Variants in HIVEP1 observed in about 807,000 individuals in gnomAD.
HIVEP1 encodes HIVEP zinc finger 1.
HIVEP1 carries 36 observed loss-of-function variants against 180.0 expected under a neutral mutation model. The observed-to-expected ratio is 0.20, with a 90% confidence interval of 0.15 to 0.26. The LOEUF (loss-of-function observed/expected upper bound fraction) is 0.26. Among genes scored for constraint, HIVEP1 ranks in the 10% least tolerant of loss-of-function variants. The probability of loss-of-function intolerance (pLI) is 1.00; values close to 1 mark genes in which losing one functional copy is unlikely to be tolerated. For missense variants in HIVEP1, 3,143 were observed against 3,268.7 expected (o/e 0.96, Z 0.94); for synonymous variants, 1,239 against 1,239.0 (o/e 1.00, Z 0.00).
chr6:12,060,351 C>T (rs1247850580), intron 2 of HIVEP1, among the ~76,000 whole-genome samples: 1 of 152,120 alleles, frequency 6.6e-6, no homozygotes, highest in Non-Finnish European at 1.5e-5. Context: ...AAACTTCAGA[C>T]AATTACAGTA....
chr6:12,029,768 A>G (rs1042015774), intron 2 of HIVEP1, among the ~76,000 whole-genome samples: 5 of 152,098 alleles, frequency 3.3e-5, no homozygotes, highest in African/African-American at 1.2e-4. Context: ...TTATATTATA[A>G]AGCAGGTTAC....
In HIVEP1 at chr6:12,161,820, C is replaced by T. The variant is rs777250624; in HGVS notation, c.6869C>T (p.Pro2290Leu). Residue 2290 changes from proline (P) to leucine (L), a missense_variant, in exon 8 of 9, where the codon CCG (proline) becomes CTG (leucine). Physicochemically the swap from Pro to Leu is moderately conservative, Grantham distance 98. Coordinates refer to ENST00000379388, the MANE Select transcript of HIVEP1 (RefSeq NM_002114.4). ...RAARDENDTIPSVDTSRSPCH... is the reference protein window; with the variant it reads ...RAARDENDTILSVDTSRSPCH... ...GCGAGAGATGAAAACGACACAATTC[C>T]GTCTGTAGACACTTCCAGGTCCCCG... The T allele has an allele frequency of 6.2e-6, 10 of 1,614,010 alleles. No individual in the cohort carries two copies. Among genetic ancestry groups the T allele is most frequent in the African/African-American group, 4.0e-5 (3 of 74,936 alleles).
chr6:12,037,793 TG>T (rs1769382854), intron 2 of HIVEP1: 3 of 456,164 alleles, frequency 6.6e-6, no homozygotes, highest in South Asian at 4.6e-5. Context: ...CCCAAACTTC[TG>T]GGGACAAGCT....
At chr6:12,205,576 C>T in the HIVEP1 span, among the ~76,000 whole-genome samples, 1 of 152,092 alleles carries the variant, frequency 6.6e-6, no homozygotes, top group Non-Finnish European at 1.5e-5. Context: ...GGAATTATGC[C>T]TCTGTTTCTT....
intron 2 of HIVEP1, among the ~76,000 whole-genome samples, chr6:12,074,718 A>C (rs1772238018): frequency 1.3e-5 from 2 of 150,960 alleles, no homozygotes; most frequent in South Asian, 4.2e-4. Context: ...TTTTTTATAG[A>C]GATCTTTTGA....
chr6:12,065,490 A>G (rs1258305053), intron 2 of HIVEP1, among the ~76,000 whole-genome samples: 2 of 152,168 alleles, frequency 1.3e-5, no homozygotes, highest in East Asian at 1.9e-4. Context: ...TGATACACAC[A>G]TAGAATACAG....
chr6:12,209,651 AATC>A, the HIVEP1 span, among the ~76,000 whole-genome samples: 1 of 152,202 alleles, frequency 6.6e-6, no homozygotes, highest in African/African-American at 2.4e-5. Context: ...TATTAATAAT[AATC>A]ATCATAATAC....
In HIVEP1 at chr6:12,135,671, T is replaced by C. The variant is rs996158744; in HGVS notation, c.6386-120T>C. The C allele has an allele frequency of 4.7e-6, 3 of 638,114 alleles. No individual in the cohort carries two copies. In the African/African-American group the frequency reaches 5.5e-5, roughly 12 times the overall value. 39.5% of individuals were successfully genotyped at this position (638,114 alleles called of 1,614,324 possible). ...TTTTCTTTTGTTCACATTTTAGTCA[T>C]TGGAGTTGTACGACCACAATCTGTA... On this transcript the variant is annotated intron_variant, in intron 6 of 8. Transcript: ENST00000379388.
intron 2 of HIVEP1, among the ~76,000 whole-genome samples, chr6:12,024,475 C>T (rs1474613186): frequency 6.6e-6 from 1 of 152,126 alleles, no homozygotes; most frequent in African/African-American, 2.4e-5. Flanking sequence ...CTACTTAATA[C>T]AAAGCTTGAT....
intron 2 of HIVEP1, among the ~76,000 whole-genome samples, chr6:12,026,362 G>C (rs1277416932): frequency 6.6e-6 from 1 of 152,160 alleles, no homozygotes; most frequent in East Asian, 1.9e-4. Context: ...ACCTGAATGA[G>C]GAGGAGTTTT....
At position 12,122,484 on chromosome 6, in the gene HIVEP1, G is replaced by A. The variant is rs1378869966; in HGVS notation, c.2689G>A (p.Val897Met). The change falls in exon 4 of 9, where the codon GTG becomes ATG. Residue 897 changes from valine to methionine, a missense_variant. By Grantham distance (21) the Val-to-Met change is conservative. Coordinates refer to ENST00000379388, the MANE Select transcript of HIVEP1 (RefSeq NM_002114.4). ...CCAGAGTGGGCATCCCCGTACACTTGTGAGACAAGCAGCCATAGAAGACTC... is the reference window on the plus strand; with the variant it reads ...CCAGAGTGGGCATCCCCGTACACTTATGAGACAAGCAGCCATAGAAGACTC... ...VPQSGHPRTLVRQAAIEDSSA... is the reference protein window; with the variant it reads ...VPQSGHPRTLMRQAAIEDSSA... 3 of 1,614,198 alleles carry A rather than the reference G, an allele frequency of 1.9e-6. No individual in the cohort carries two copies. The highest frequency in any genetic ancestry group is 1.7e-6 in the Non-Finnish European group (2 of 1,180,036).
chr6:12,204,960 A>G, the HIVEP1 span, among the ~76,000 whole-genome samples: 1 of 152,166 alleles, frequency 6.6e-6, no homozygotes, highest in Non-Finnish European at 1.5e-5. Context: ...AAGCTGGGGG[A>G]AAAGCATGAT....
intron 2 of HIVEP1, among the ~76,000 whole-genome samples, chr6:12,017,610 A>C (rs1309231673): frequency 6.6e-6 from 1 of 152,230 alleles, no homozygotes; most frequent in African/African-American, 2.4e-5. Context: ...GGTCCGTTTT[A>C]CAGAGAGCCG....
rs763160783 is a variant in HIVEP1, at chr6:12,125,819, C to T, written c.6024C>T (p.Ser2008=). The T allele has an allele frequency of 1.2e-6, 2 of 1,613,324 alleles. No homozygotes were observed. Among genetic ancestry groups the T allele is most frequent in the South Asian group, 1.1e-5 (1 of 91,042 alleles). The part of the protein sequence containing the change: ...SLYCQAITTH[S]KSDLLVYSSK... ...ACTGTCAAGCAATAACTACCCATTC[C>T]AAGTCAGACTTATTGGTCTATTCAA... The change falls in exon 4 of 9, where the codon TCC becomes TCT. Residue 2008 remains serine (S), a synonymous_variant. Coordinates refer to ENST00000379388, the MANE Select transcript of HIVEP1 (RefSeq NM_002114.4).
chr6:12,088,623 G>A (rs2113325654), intron 2 of HIVEP1, among the ~76,000 whole-genome samples: 1 of 152,198 alleles, frequency 6.6e-6, no homozygotes, highest in East Asian at 1.9e-4. Flanking sequence ...TCTGCAGTGA[G>A]TTGTGTATAG....
At chr6:12,186,384 A>G in the HIVEP1 span, among the ~76,000 whole-genome samples, 2 of 151,932 alleles carry the variant, frequency 1.3e-5, no homozygotes, top group Middle Eastern at 3.2e-3. Context: ...AGACAAACTT[A>G]TGAAGTCAGA....
upstream of HIVEP1, chr6:12,008,834 A>C (rs1767133230): frequency 6.6e-6 from 1 of 152,138 alleles, no homozygotes; most frequent in Non-Finnish European, 1.5e-5. Flanking sequence ...TTAAAAGTTA[A>C]ACCCAGGAAG....
At chr6:12,061,882 A>G (rs1255276191) in intron 2 of HIVEP1, among the ~76,000 whole-genome samples, 3 of 152,210 alleles carry the variant, frequency 2.0e-5, no homozygotes, top group African/African-American at 2.4e-5. Context: ...AGGAAATCCT[A>G]TGATGTATTA....
intron 2 of HIVEP1, among the ~76,000 whole-genome samples, chr6:12,070,525 A>G (rs1177846744): frequency 6.6e-6 from 1 of 152,158 alleles, no homozygotes; most frequent in Non-Finnish European, 1.5e-5. Context: ...CCCTGCCTCT[A>G]CTAAAAAGAA....
Sources: allele counts gnomAD v4.1 joint callset (sites outside exome capture counted in the v4.1 genomes callset), GRCh38; gene constraint gnomAD v4.1.1; transcripts MANE v1.5; gene names NCBI Gene and HGNC (gene_info 2026-07-23, HGNC 2026-07-21).